Variants in DROSHA observed in about 807,000 individuals in gnomAD.
DROSHA encodes ribonuclease 3.
Under a neutral mutation model 181.9 loss-of-function variants are expected in DROSHA, and 56 were observed. The observed-to-expected ratio is 0.31, with a 90% CI of 0.25 to 0.38. The LOEUF is 0.38. DROSHA is among the 10% of genes least tolerant of loss of function. The pLI is 1.00. For missense variants in DROSHA, 1,218 were observed against 1,743.5 expected, an observed-to-expected ratio of 0.70 and a Z score of 5.37; for synonymous variants, 524 against 591.2, an observed-to-expected ratio of 0.89 and a Z score of 1.65.
intron 10 of DROSHA, among the ~76,000 whole-genome samples, chr5:31,508,120 A>C (rs1486281788): frequency 6.6e-6 from 1 of 152,170 alleles, no homozygotes. Context: ...TGCTAATTTT[A>C]TTATGTATTA....
chr5:31,437,256 A>G lies in DROSHA; in HGVS notation c.2925T>C (p.Val975=). ...CTAATTACCTGGTCAGAAATTCAAC[A>G]ACAGCATCACCCAGGAATTCCAACC... ...NERLEFLGDA[V]VEFLTSVHLY... Residue 975 remains valine, a synonymous_variant, in exon 24 of 36, where the codon GTT becomes GTC. Transcript: ENST00000344624. 6.3e-7 allele frequency: 1 copy of G among 1,578,848 alleles called. No homozygotes were observed. Among genetic ancestry groups the G allele is most frequent in the South Asian group, 1.2e-5 (1 of 85,774 alleles).
chr5:31,484,343 C>CA (rs1751452900), intron 15 of DROSHA, among the ~76,000 whole-genome samples: 7 of 118,768 alleles, frequency 5.9e-5, no homozygotes, highest in Admixed American at 1.7e-4. Flanking sequence ...CACTGCAGTC[C>CA]GCAGTCCGGC....
chr5:31,465,716 T>C (rs1748920465), intron 19 of DROSHA, among the ~76,000 whole-genome samples: 1 of 146,958 alleles, frequency 6.8e-6, no homozygotes, highest in African/African-American at 2.4e-5. Context: ...CCCACAGTAA[T>C]GAGTTCATGT....
At chr5:31,487,338 T>A (rs985943214) in intron 13 of DROSHA, among the ~76,000 whole-genome samples, 3 of 152,188 alleles carry the variant, frequency 2.0e-5, no homozygotes, top group Admixed American at 1.3e-4. Flanking sequence ...TCAAGATACA[T>A]GTGAAAATGA....
intron 13 of DROSHA, chr5:31,488,917 T>C (rs1752086153): frequency 6.6e-6 from 1 of 152,214 alleles, no homozygotes; most frequent in Non-Finnish European, 1.5e-5. Context: ...TTGAGGATCA[T>C]TTCTGGGTTT....
At chr5:31,473,410 G>T (rs10072114) in intron 16 of DROSHA, among the ~76,000 whole-genome samples, 2,925 of 152,272 alleles carry the variant, frequency 0.019, 86 homozygotes, top group African/African-American at 0.067. Context: ...CCACATTGCT[G>T]TTCTACAGCC....
intron 17 of DROSHA, 114 bp downstream of exon 17, chr5:31,471,949 C>G: frequency 1.0e-6 from 1 of 976,726 alleles, no homozygotes; most frequent in Middle Eastern, 2.3e-4. Flanking sequence ...TATCCAAGGA[C>G]AAGAGCAGTG....
chr5:31,434,225 C>T (rs539571692), intron 25 of DROSHA, among the ~76,000 whole-genome samples: 4 of 152,356 alleles, frequency 2.6e-5, no homozygotes, highest in Admixed American at 2.6e-4. Flanking sequence ...CAATTCCCCA[C>T]ACTTTGTAAA....
chr5:31,402,397 C>G (rs78239688), intron 35 of DROSHA, among the ~76,000 whole-genome samples: 13 of 151,936 alleles, frequency 8.6e-5, no homozygotes, highest in East Asian at 5.8e-4. Flanking sequence ...TTCTGAAAGA[C>G]AGAGAAGGCA....
chr5:31,440,958 A>C (rs904405828), intron 23 of DROSHA, among the ~76,000 whole-genome samples: 1 of 152,178 alleles, frequency 6.6e-6, no homozygotes. Context: ...ATATGCAAAT[A>C]TTCCAAAATC....
Position 31,508,784 on chromosome 5 carries a change from G to A in DROSHA, c.1433-9C>T, listed in dbSNP as rs370977443. The A allele has an allele frequency of 1.8e-4, 284 of 1,602,074 alleles. No individual in the cohort carries two copies. The African/African-American group carries it at 3.4e-3, about 19-fold the overall frequency. On this transcript the variant is annotated splice_polypyrimidine_tract_variant and intron_variant, in intron 9 of 35. Transcript: ENST00000344624. Reference sequence around the variant, plus strand: ...GGATTCACTGGAACTCTCTAACAGGGGTTGGGAGAAAAATACAGAAATTGA... The same window carrying A: ...GGATTCACTGGAACTCTCTAACAGGAGTTGGGAGAAAAATACAGAAATTGA...
At chr5:31,472,651 T>C (rs540872098) in intron 16 of DROSHA, among the ~76,000 whole-genome samples, 1 of 152,356 alleles carries the variant, frequency 6.6e-6, no homozygotes, top group African/African-American at 2.4e-5. Context: ...TGTTACTGTC[T>C]TAAGGAAATT....
At chr5:31,486,780 T>C (rs942686342) in intron 13 of DROSHA, 2 of 451,260 alleles carry the variant, frequency 4.4e-6, no homozygotes, top group Non-Finnish European at 7.9e-6. Flanking sequence ...CTGCATAATG[T>C]GGTGCTTAAT....
intron 6 of DROSHA, among the ~76,000 whole-genome samples, chr5:31,516,213 A>C (rs563733523): frequency 1.9e-4 from 29 of 152,320 alleles, no homozygotes; most frequent in Admixed American, 1.7e-3. Context: ...CTATGATTGC[A>C]CCACGCACTC....
At chr5:31,442,410 T>C (rs1346500795) in intron 23 of DROSHA, among the ~76,000 whole-genome samples, 1 of 152,194 alleles carries the variant, frequency 6.6e-6, no homozygotes, top group Non-Finnish European at 1.5e-5. Context: ...CCTTCTTTCA[T>C]TGTTTAGACT....
chr5:31,503,542 T>C (rs571077559), intron 11 of DROSHA, among the ~76,000 whole-genome samples: 1 of 152,296 alleles, frequency 6.6e-6, no homozygotes, highest in African/African-American at 2.4e-5. Flanking sequence ...TCTCCCAAGG[T>C]TGTGCCCTTC....
intron 5 of DROSHA, 22 bp downstream of exon 5, chr5:31,526,057 G>C (rs141823613): frequency 3.2e-6 from 5 of 1,549,020 alleles, no homozygotes; most frequent in South Asian, 1.2e-5. Context: ...GTTCATTAAA[G>C]AACTACACAC....
At chr5:31,463,566 G>C (rs148785076) in intron 20 of DROSHA, among the ~76,000 whole-genome samples, 1 of 152,226 alleles carries the variant, frequency 6.6e-6, no homozygotes, top group African/African-American at 2.4e-5. Context: ...AATTCTCATG[G>C]ACTTCATCCA....
intron 23 of DROSHA, among the ~76,000 whole-genome samples, chr5:31,443,894 G>C (rs145390139): frequency 2.1e-3 from 324 of 152,290 alleles, no homozygotes; most frequent in South Asian, 3.5e-3. Flanking sequence ...CTGAGTACCT[G>C]TTCTGTGAAA....
Sources: gnomAD v4.1 joint callset for allele counts (sites outside exome capture counted in the v4.1 genomes callset) on GRCh38, gnomAD v4.1.1 for gene constraint, MANE v1.5 for transcripts, NCBI Gene and HGNC (gene_info 2026-07-23, HGNC 2026-07-21) for gene names.